VPS13B: variants seen among roughly 807,000 people sequenced by gnomAD.
The protein encoded by VPS13B is intermembrane lipid transfer protein VPS13B.
A neutral mutation model predicts 426.4 loss-of-function variants in VPS13B; 285 were observed. The ratio of observed to expected loss-of-function variants is 0.67; its 90% CI spans 0.61 to 0.74. VPS13B has a LOEUF of 0.74. Ranked by LOEUF, VPS13B falls within the 30% of genes least tolerant of loss-of-function variation. The probability of loss-of-function intolerance (pLI) is 0.00; values close to 1 mark genes in which losing one functional copy is unlikely to be tolerated. For synonymous variants in VPS13B, 1,676 were observed against 1,676.4 expected (o/e 1.00, Z 0.01); for missense variants, 4,537 against 4,782.6 (o/e 0.95, Z 1.51).
At chr8:99,588,118 G>T (rs1826403921) in intron 33 of VPS13B, among the ~76,000 whole-genome samples, 1 of 151,786 alleles carries the variant, frequency 6.6e-6, no homozygotes, top group Non-Finnish European at 1.5e-5. Flanking sequence ...GTTTGTCAAA[G>T]ATCAGATGGT....
At chr8:99,362,161 G>A (rs1181283990) in intron 19 of VPS13B, among the ~76,000 whole-genome samples, 1 of 25,638 alleles carries the variant, frequency 3.9e-5, no homozygotes, top group African/African-American at 1.6e-4. Context: ...TTTTTTTTTT[G>A]AGACGGAGTC....
chr8:99,806,321 C>T (rs1388429678), intron 43 of VPS13B, among the ~76,000 whole-genome samples: 3 of 152,204 alleles, frequency 2.0e-5, no homozygotes, highest in Non-Finnish European at 2.9e-5. Flanking sequence ...TTGCACATCT[C>T]ACATTGTCTT....
At chr8:99,500,209 G>A (rs1323991965) in intron 25 of VPS13B, among the ~76,000 whole-genome samples, 1 of 152,096 alleles carries the variant, frequency 6.6e-6, no homozygotes, top group Non-Finnish European at 1.5e-5. Context: ...TGTTCTGACA[G>A]TTAACTACTG....
intron 33 of VPS13B, among the ~76,000 whole-genome samples, chr8:99,639,822 T>C (rs1816809688): frequency 1.3e-5 from 2 of 148,570 alleles, no homozygotes; most frequent in South Asian, 4.2e-4. Context: ...AATGTAAAAA[T>C]AAGCTAGCCA....
chr8:99,134,934 A>G, intron 9 of VPS13B, 81 bp from the exon 10 acceptor site: 1 of 1,532,528 alleles, frequency 6.5e-7, no homozygotes, highest in Admixed American at 1.7e-5. Context: ...TGTTTAACTA[A>G]TTTAGAGATT....
intron 16 of VPS13B, among the ~76,000 whole-genome samples, 155 bp from the exon 17 acceptor site, chr8:99,192,721 T>G (rs1813670616): frequency 6.6e-6 from 1 of 152,202 alleles, no homozygotes. Flanking sequence ...GAACTTAAAG[T>G]TAGCAGAATT....
chr8:99,341,798 G>A (rs748942568), intron 19 of VPS13B: 2 of 325,852 alleles, frequency 6.1e-6, no homozygotes. Context: ...CAGAGCCCAC[G>A]TGGCACTGGG....
intron 36 of VPS13B, among the ~76,000 whole-genome samples, chr8:99,710,658 C>A (rs1430226171): frequency 6.6e-6 from 1 of 151,992 alleles, no homozygotes; most frequent in East Asian, 1.9e-4. Context: ...CTGTAAGTGA[C>A]CCTTTGTGAA....
intron 19 of VPS13B, among the ~76,000 whole-genome samples, chr8:99,350,233 A>G (rs910816592): frequency 6.6e-6 from 1 of 152,174 alleles, no homozygotes; most frequent in African/African-American, 2.4e-5. Flanking sequence ...GTAGTGCAAG[A>G]TAATGCTGTA....
intron 30 of VPS13B, among the ~76,000 whole-genome samples, chr8:99,539,927 TTATATTTATACATTA>T (rs1823468150): frequency 7.0e-6 from 1 of 142,572 alleles, no homozygotes; most frequent in African/African-American, 2.6e-5. Context: ...ACACACATAT[TTATATTTATACATTA>T]TATTTATATA....
Position 99,143,124 on chromosome 8 carries a change from C to T in VPS13B, c.1802C>T (p.Ala601Val). Reference protein sequence around the residue: ...VHRILKMIVCALEHEYEPYSR... With the variant: ...VHRILKMIVCVLEHEYEPYSR... ...AGGATTTTGAAAATGATTGTGTGTG[C>T]CTTGGAACATGAATATGAACCATAT... Residue 601 changes from alanine to valine, a missense_variant, in exon 13 of 62, where the codon GCC (alanine) becomes GTC (valine). Ala to Val is a moderately conservative substitution (Grantham distance 64). Coordinates refer to ENST00000357162, the MANE Select transcript of VPS13B (RefSeq NM_152564.5). 1 of 1,613,886 alleles carries T rather than the reference C, an allele frequency of 6.2e-7. No individual in the cohort carries two copies. Among genetic ancestry groups the T allele is most frequent in the Non-Finnish European group, 8.5e-7 (1 of 1,179,942 alleles).
intron 21 of VPS13B, among the ~76,000 whole-genome samples, chr8:99,410,664 T>C (rs914184487): frequency 9.2e-5 from 14 of 152,052 alleles, no homozygotes; most frequent in African/African-American, 3.1e-4. Context: ...GCTGCACCCA[T>C]CTACCCGTCA....
At position 99,619,138 on chromosome 8, in the gene VPS13B, T is replaced by A. The variant is rs79486829; in HGVS notation, c.5221-22673T>A. On this transcript the variant is annotated intron_variant, in intron 33 of 61. Coordinates refer to ENST00000357162, the MANE Select transcript of VPS13B (RefSeq NM_152564.5). The stretch of plus-strand genomic sequence containing the variant: ...GAAGCCTTGAGAAAACCTCTTCCCA[T>A]GTTTTATTAGACCAAATTATATCTC... Among the ~76,000 whole-genome samples the A allele has an allele frequency of 2.8e-3, 419 of 152,292 alleles. 2 individuals are homozygous for A. The highest frequency in any genetic ancestry group is 4.3e-3 in the Non-Finnish European group (293 of 68,016).
chr8:99,252,051 TA>T (rs2132923848), intron 17 of VPS13B, among the ~76,000 whole-genome samples: 1 of 151,696 alleles, frequency 6.6e-6, no homozygotes, highest in East Asian at 1.9e-4. Context: ...CTTTATTTTT[TA>T]AATTTAAAAT....
intron 33 of VPS13B, among the ~76,000 whole-genome samples, chr8:99,590,810 C>T (rs117234964): frequency 0.031 from 4,715 of 152,130 alleles, 136 homozygotes; most frequent in Non-Finnish European, 0.041. Context: ...AATGTATATT[C>T]GGTTGATTTG....
intron 28 of VPS13B, among the ~76,000 whole-genome samples, chr8:99,509,754 G>A (rs530781490): frequency 6.6e-6 from 1 of 152,238 alleles, no homozygotes; most frequent in South Asian, 2.1e-4. Context: ...GTTGGAAAGA[G>A]GGGCAGGGAA....
chr8:99,510,503 A>G (rs1261214334), intron 28 of VPS13B, among the ~76,000 whole-genome samples: 1 of 152,152 alleles, frequency 6.6e-6, no homozygotes, highest in East Asian at 1.9e-4. Context: ...GTCTTTTCCA[A>G]CCTATGTTTT....
At chr8:99,515,671 TG>T (rs1213464666) in intron 29 of VPS13B, among the ~76,000 whole-genome samples, 7 of 152,104 alleles carry the variant, frequency 4.6e-5, no homozygotes, top group Admixed American at 2.6e-4. Context: ...TTTTTAGTGG[TG>T]TTTTTTTTTG....
chr8:99,875,433 G>A lies in VPS13B; in HGVS notation c.11761G>A (p.Glu3921Lys). The change falls in exon 62 of 62, where the codon GAG becomes AAG. Residue 3921 changes from glutamate to lysine, a missense_variant. Coordinates refer to ENST00000357162, the MANE Select transcript of VPS13B (RefSeq NM_152564.5). ...TGGATCCTAGGTAGATGGAGTCCGA[G>A]AGAGACTGTCAGAGCAACAGTACAA... is the stretch of plus-strand genomic sequence containing the variant. ...ACDVEVDGVR[E>K]RLSEQQYNRL... 6.2e-7 allele frequency: 1 copy of A among 1,614,168 alleles called. No individual in the cohort carries two copies. The highest frequency in any genetic ancestry group is 1.1e-5 in the South Asian group (1 of 91,082).
Sources: gnomAD v4.1 joint callset for allele counts (sites outside exome capture counted in the v4.1 genomes callset) on GRCh38, gnomAD v4.1.1 for gene constraint, MANE v1.5 for transcripts, NCBI Gene and HGNC (gene_info 2026-07-23, HGNC 2026-07-21) for gene names.